The following THAP9 variants were observed in gnomAD, a reference collection of about 807,000 sequenced individuals.
THAP9 encodes the protein DNA transposase THAP9.
A neutral mutation model predicts 35.7 loss-of-function variants in THAP9; 20 were observed. The ratio of observed to expected loss-of-function variants is 0.56; its 90% CI spans 0.39 to 0.81. The LOEUF is 0.81. Among genes scored for constraint, THAP9 ranks in the 40% least tolerant of loss-of-function variants. THAP9 has a pLI of 0.00. For missense variants in THAP9, 870 were observed against 1,047.4 expected (o/e 0.83, Z 2.34); for synonymous variants, 335 against 373.7 (o/e 0.90, Z 1.19).
intron 1 of THAP9, chr4:82,901,187 A>C: frequency 1.7e-6 from 1 of 601,456 alleles, no homozygotes; most frequent in Non-Finnish European, 3.1e-6. Context: ...AGGAGGCCGA[A>C]AGGGAAGGCA....
At chr4:82,912,761 G>C (rs555047398) in intron 4 of THAP9, among the ~76,000 whole-genome samples, 1 of 152,278 alleles carries the variant, frequency 6.6e-6, no homozygotes, top group Admixed American at 6.5e-5. Flanking sequence ...ATGTGTAAGG[G>C]TGCACATGCG....
At chr4:82,916,570 T>C (rs987467422) in intron 4 of THAP9, among the ~76,000 whole-genome samples, 2 of 152,240 alleles carry the variant, frequency 1.3e-5, no homozygotes, top group Non-Finnish European at 2.9e-5. Flanking sequence ...ATGTACTAGA[T>C]GTTCTCAAAG....
Position 82,917,138 on chromosome 4 carries a change from A to T in THAP9, c.926A>T (p.Lys309Ile), listed in dbSNP as rs764046504. 2.5e-6 allele frequency: 4 copies of T among 1,613,206 alleles called. No individual in the cohort carries two copies. Among genetic ancestry groups the T allele is most frequent in the Non-Finnish European group, 3.4e-6 (4 of 1,179,500 alleles). The change falls in exon 5 of 5, where the codon AAA becomes ATA. Residue 309 changes from lysine (K) to isoleucine (I), a missense_variant. This residue lies in a region of THAP9 where 440 missense variants were observed against 501.2 expected (regional missense o/e 0.88). Coordinates refer to ENST00000302236, the MANE Select transcript of THAP9 (RefSeq NM_024672.6). The stretch of plus-strand genomic sequence containing the variant: ...GGGTTTATGGACTTTGGTCTTGGAA[A>T]ACTTGATGCTGATGAAACGCCACTT... Reference protein sequence around the residue: ...LQGFMDFGLGKLDADETPLAS... With the variant: ...LQGFMDFGLGILDADETPLAS...
intron 4 of THAP9, among the ~76,000 whole-genome samples, chr4:82,912,557 T>C (rs906143050): frequency 1.3e-5 from 2 of 152,234 alleles, no homozygotes; most frequent in Admixed American, 6.5e-5. Flanking sequence ...ATCGTGTTGA[T>C]GAGAGTATAA....
At chr4:82,900,998 C>T (rs1720324185) in intron 1 of THAP9, 116 bp downstream of exon 1, 3 of 1,238,556 alleles carry the variant, frequency 2.4e-6, no homozygotes, top group African/African-American at 3.0e-5. Context: ...TGTGACGCGA[C>T]GTGACGTGCG....
intron 1 of THAP9, among the ~76,000 whole-genome samples, chr4:82,902,650 C>G (rs1364979769): frequency 1.3e-5 from 2 of 152,156 alleles, no homozygotes; most frequent in Non-Finnish European, 2.9e-5. Flanking sequence ...AAAATATGTT[C>G]CATGAGTTAG....
intron 4 of THAP9, among the ~76,000 whole-genome samples, chr4:82,914,489 ATTTG>A (rs1355011254): frequency 6.6e-6 from 1 of 152,176 alleles, no homozygotes; most frequent in Non-Finnish European, 1.5e-5. Context: ...AGCATCTATT[ATTTG>A]TTGACTTTTT....
chr4:82,906,402 G>A lies in THAP9; in HGVS notation c.355G>A (p.Val119Ile), dbSNP rs766307903. The A allele has an allele frequency of 1.2e-6, 2 of 1,613,536 alleles. No homozygotes were observed. The highest frequency in any genetic ancestry group is 1.7e-6 in the Non-Finnish European group (2 of 1,179,624). Residue 119 changes from valine to isoleucine, a missense_variant, in exon 3 of 5, where the codon GTT becomes ATT. Physicochemically the swap from Val to Ile is conservative, Grantham distance 29 (BLOSUM62 3). Around this residue, in one of 3 missense-constraint regions of THAP9, gnomAD observed 440 missense variants for 501.2 expected, o/e 0.88. Coordinates refer to ENST00000302236, the MANE Select transcript of THAP9 (RefSeq NM_024672.6). The stretch of plus-strand genomic sequence containing the variant: ...ACCTCTTCCAGACAATTCTCAAGAA[G>A]TTGCTACTGAGGACCATAACTATAG... The part of the protein sequence containing the change: ...KQPLPDNSQE[V>I]ATEDHNYSLK...
intron 1 of THAP9, chr4:82,901,303 C>A: frequency 2.5e-6 from 1 of 402,052 alleles, no homozygotes; most frequent in Non-Finnish European, 5.0e-6. Context: ...GTGCTGTTAG[C>A]CGAGCTGTGC....
intron 4 of THAP9, among the ~76,000 whole-genome samples, chr4:82,908,338 C>T (rs1446052939): frequency 1.3e-5 from 2 of 152,126 alleles, no homozygotes; most frequent in South Asian, 2.1e-4. Flanking sequence ...AAATCTAGAA[C>T]AGTTCTGGAT....
intron 2 of THAP9, 77 bp from the exon 3 acceptor site, chr4:82,906,247 G>C: frequency 8.2e-7 from 1 of 1,214,008 alleles, no homozygotes; most frequent in Non-Finnish European, 1.1e-6. Flanking sequence ...TTAGTGCTTT[G>C]TATTTAGGGT....
chr4:82,916,910 CTT>C (rs1216927913), intron 4 of THAP9, 32 bp from the exon 5 acceptor site: 3 of 1,477,134 alleles, frequency 2.0e-6, no homozygotes, highest in Non-Finnish European at 2.7e-6. Flanking sequence ...TTTTATTTCT[CTT>C]TGAGTGTTCT....
chr4:82,918,530 A>T lies in THAP9; in HGVS notation c.2318A>T (p.Asn773Ile). The change falls in exon 5 of 5, where the codon AAT becomes ATT. Residue 773 changes from asparagine (N) to isoleucine (I), a missense_variant. Asn to Ile is a moderately radical substitution (Grantham distance 149). Around this residue, in one of 3 missense-constraint regions of THAP9, gnomAD observed 414 missense variants for 500.8 expected, o/e 0.83. Coordinates refer to ENST00000302236, the MANE Select transcript of THAP9 (RefSeq NM_024672.6). ...TCAGAAAGTCTGTGTCGGGTCATAA[A>T]TATTTGTGAGCGAGTTGTAAGAACC... ...FPSESLCRVI[N>I]ICERVVRTHS... The T allele has an allele frequency of 6.2e-7, 1 of 1,614,170 alleles. No homozygotes were observed. The highest frequency in any genetic ancestry group is 1.1e-5 in the South Asian group (1 of 91,076).
At chr4:82,910,910 C>A (rs770744902) in intron 4 of THAP9, 33 of 221,706 alleles carry the variant, frequency 1.5e-4, no homozygotes, top group Non-Finnish European at 2.9e-4. Context: ...GAGAGGTAAA[C>A]CTGGCTGGAG....
rs750213267 is a variant in THAP9, at chr4:82,918,349, C to T, written c.2137C>T (p.Arg713Ter). 9 of 1,613,996 alleles carry T rather than the reference C, an allele frequency of 5.6e-6. No homozygotes were observed. The East Asian group carries it at 6.7e-5, about 12-fold the overall frequency. The change falls in exon 5 of 5, where the codon CGA becomes TGA. Residue 713 changes from arginine (R) to a stop codon, truncating the protein, a stop_gained. Coordinates refer to ENST00000302236, the MANE Select transcript of THAP9 (RefSeq NM_024672.6). LOFTEE classifies it low-confidence loss of function (END_TRUNC). ...EALLDLSDHR[R>*]NLICYAGYVA... ...ATTACTAGACCTGTCAGATCATAGGCGAAATCTCATCTGTTATGCTGGTTA... is the reference window on the plus strand; with the variant it reads ...ATTACTAGACCTGTCAGATCATAGGTGAAATCTCATCTGTTATGCTGGTTA...
intron 4 of THAP9, chr4:82,910,875 C>T (rs1053399801): frequency 3.4e-6 from 1 of 290,300 alleles, no homozygotes; most frequent in Admixed American, 3.1e-5. Context: ...ATGACCATGA[C>T]AAAAGCAGTT....
intron 3 of THAP9, among the ~76,000 whole-genome samples, chr4:82,907,500 C>A (rs1175446304): frequency 1.3e-5 from 2 of 151,966 alleles, no homozygotes; most frequent in African/African-American, 2.4e-5. Context: ...ATTTTATTTT[C>A]TTTTCAGTTC....
chr4:82,916,908 C>T (rs567428950), intron 4 of THAP9, 36 bp from the exon 5 acceptor site: 1 of 1,472,550 alleles, frequency 6.8e-7, no homozygotes. Flanking sequence ...CTTTTTATTT[C>T]TCTTTGAGTG....
chr4:82,907,019 A>G (rs1252452608), intron 3 of THAP9, among the ~76,000 whole-genome samples: 2 of 152,142 alleles, frequency 1.3e-5, no homozygotes, highest in African/African-American at 2.4e-5. Context: ...GTCTTTTTGC[A>G]GTAGAGTTGT....
Sources: gnomAD v4.1 joint callset for allele counts (sites outside exome capture counted in the v4.1 genomes callset) on GRCh38, gnomAD v4.1.1 for gene constraint, gnomAD v4.1.1 regional missense constraint, MANE v1.5 for transcripts, NCBI Gene and HGNC (gene_info 2026-07-23, HGNC 2026-07-21) for gene names.